Variants in MYO16 observed in about 807,000 individuals in gnomAD.
MYO16 encodes myosin XVI, also known as unconventional myosin-XVI.
A neutral mutation model predicts 205.3 loss-of-function variants in MYO16; 94 were observed. The observed-to-expected ratio is 0.46, with a 90% CI of 0.39 to 0.54. MYO16 has a LOEUF of 0.54. Among genes scored for constraint, MYO16 ranks in the 20% least tolerant of loss-of-function variants. The pLI, the probability that MYO16 is intolerant of heterozygous loss-of-function variation, is 0.00. For synonymous variants in MYO16, 988 were observed against 954.0 expected (o/e 1.04, Z -0.66); for missense variants, 2,315 against 2,387.5 (o/e 0.97, Z 0.63).
intron 32 of MYO16, among the ~76,000 whole-genome samples, chr13:109,148,942 A>G (rs139830485): frequency 2.6e-5 from 4 of 152,220 alleles, no homozygotes; most frequent in Non-Finnish European, 5.9e-5. Context: ...GAGACATGAA[A>G]CTTCAGGGTG....
At chr13:108,810,925 C>T (rs554989847) in intron 7 of MYO16, among the ~76,000 whole-genome samples, 1 of 152,200 alleles carries the variant, frequency 6.6e-6, no homozygotes, top group South Asian at 2.1e-4. Flanking sequence ...TTAACTTTTG[C>T]AATGGAAAAC....
At position 108,820,350 on chromosome 13, in the gene MYO16, A is replaced by G; in HGVS notation, c.881A>G (p.Lys294Arg). 6.2e-7 allele frequency: 1 copy of G among 1,601,682 alleles called. No individual in the cohort carries two copies. Among genetic ancestry groups the G allele is most frequent in the Non-Finnish European group, 8.5e-7 (1 of 1,173,726 alleles). Residue 294 changes from lysine (K) to arginine (R), a missense_variant, in exon 8 of 35, where the codon AAA becomes AGA. By Grantham distance (26) the Lys-to-Arg change is conservative (BLOSUM62 2). This residue lies in a region of MYO16 where 1,213 missense variants were observed against 1,274.4 expected (regional missense o/e 0.95). Coordinates refer to ENST00000457511, the MANE Select transcript of MYO16 (RefSeq NM_001198950.3). ...TTAATATTTCAGACAAATCTGGTGAAACTTCTCCTGATGCATCAGGCAAAC... is the reference window on the plus strand; with the variant it reads ...TTAATATTTCAGACAAATCTGGTGAGACTTCTCCTGATGCATCAGGCAAAC... ...AAKYGQTNLV[K>R]LLLMHQANPH...
chr13:108,994,222 A>C (rs1441841928), intron 21 of MYO16, among the ~76,000 whole-genome samples: 1 of 152,120 alleles, frequency 6.6e-6, no homozygotes. Context: ...CTAAAGAGCC[A>C]GTCTCTATTA....
At chr13:109,045,349 G>GT (rs1887006009) in intron 23 of MYO16, among the ~76,000 whole-genome samples, 1 of 152,214 alleles carries the variant, frequency 6.6e-6, no homozygotes, top group South Asian at 2.1e-4. Flanking sequence ...AAACGACCAA[G>GT]TGTCCCCTGG....
chr13:108,799,331 A>G (rs1886899591), intron 6 of MYO16, among the ~76,000 whole-genome samples: 1 of 152,244 alleles, frequency 6.6e-6, no homozygotes, highest in South Asian at 2.1e-4. Flanking sequence ...TTAAAATGCA[A>G]TAAAAATGGT....
chr13:108,753,489 A>G lies in MYO16; in HGVS notation c.507+25906A>G, dbSNP rs1340180169. ...CTTTATGAGTTATTTCTTTTTGGGA[A>G]TGGCTTTATTGACTCATTCCGTAAC... is the stretch of plus-strand genomic sequence containing the variant. On this transcript the variant is annotated intron_variant, in intron 4 of 34. Coordinates refer to ENST00000457511, the MANE Select transcript of MYO16 (RefSeq NM_001198950.3). Among the ~76,000 whole-genome samples the G allele has an allele frequency of 3.9e-5, 6 of 152,012 alleles. No homozygotes were observed. The South Asian group carries it at 1.0e-3, about 26-fold the overall frequency.
intron 2 of MYO16, among the ~76,000 whole-genome samples, chr13:108,683,663 T>C (rs1052730817): frequency 1.3e-5 from 2 of 152,202 alleles, no homozygotes; most frequent in African/African-American, 4.8e-5. Flanking sequence ...AAAATTATTC[T>C]ATAAAGAAAA....
chr13:108,970,876 G>T (rs1883983463), intron 20 of MYO16, among the ~76,000 whole-genome samples: 2 of 152,134 alleles, frequency 1.3e-5, no homozygotes. Flanking sequence ...GAATTCTTGG[G>T]GTTGAAGGTA....
intron 16 of MYO16, among the ~76,000 whole-genome samples, chr13:108,943,586 G>A (rs921851752): frequency 6.6e-6 from 1 of 152,054 alleles, no homozygotes; most frequent in Admixed American, 6.6e-5. Context: ...CAAGTCGCTG[G>A]GATTACAGGC....
the MYO16 span, among the ~76,000 whole-genome samples, chr13:108,546,458 G>A: frequency 6.6e-6 from 1 of 152,092 alleles, no homozygotes; most frequent in Non-Finnish European, 1.5e-5. Flanking sequence ...CTGGAGAAGA[G>A]ATTTATCTTT....
the MYO16 span, among the ~76,000 whole-genome samples, chr13:108,585,202 T>A: frequency 5.9e-5 from 9 of 152,184 alleles, no homozygotes; most frequent in Non-Finnish European, 2.9e-5. Context: ...CCTGAGAACA[T>A]GCACCCAAGG....
intron 2 of MYO16, among the ~76,000 whole-genome samples, chr13:108,696,930 C>T (rs1883113178): frequency 6.6e-6 from 1 of 150,518 alleles, no homozygotes; most frequent in Non-Finnish European, 1.5e-5. Context: ...GATTTCTGGC[C>T]ATGTAATACT....
chr13:108,638,944 CAGGG>C (rs1880380057), intron 1 of MYO16, among the ~76,000 whole-genome samples: 1 of 151,962 alleles, frequency 6.6e-6, no homozygotes, highest in African/African-American at 2.4e-5. Flanking sequence ...ATGAGGAGCC[CAGGG>C]AGGGAAGAAG....
chr13:108,573,668 T>G, the MYO16 span, among the ~76,000 whole-genome samples: 1 of 152,170 alleles, frequency 6.6e-6, no homozygotes, highest in Non-Finnish European at 1.5e-5. Flanking sequence ...CTGAGCAGTT[T>G]GATCTCCTCA....
intron 22 of MYO16, among the ~76,000 whole-genome samples, chr13:109,018,330 A>G (rs903435899): frequency 1.3e-5 from 2 of 150,592 alleles, no homozygotes; most frequent in Non-Finnish European, 3.0e-5. Context: ...AGAACAGCAA[A>G]TATTGCTGCC....
intron 16 of MYO16, among the ~76,000 whole-genome samples, chr13:108,921,405 T>TA (rs1881739988): frequency 6.6e-6 from 1 of 152,306 alleles, no homozygotes; most frequent in East Asian, 1.9e-4. Context: ...TGACCATTCT[T>TA]ACACATGATA....
the MYO16 span, among the ~76,000 whole-genome samples, chr13:108,520,859 C>T: frequency 4.9e-3 from 742 of 152,284 alleles, 7 homozygotes; most frequent in African/African-American, 0.016. Context: ...TGATGCTTCT[C>T]TTCTGAGTCA....
At chr13:108,563,032 C>A in the MYO16 span, among the ~76,000 whole-genome samples, 1 of 152,074 alleles carries the variant, frequency 6.6e-6, no homozygotes, top group East Asian at 1.9e-4. Flanking sequence ...GTATTTAGAC[C>A]AATCTGACAT....
chr13:109,023,368 A>T (rs1407704147), intron 23 of MYO16, among the ~76,000 whole-genome samples: 1 of 66,232 alleles, frequency 1.5e-5, no homozygotes, highest in Non-Finnish European at 2.5e-5. Flanking sequence ...ATATAAATAT[A>T]TATTTATATA....
Sources: allele counts gnomAD v4.1 joint callset (sites outside exome capture counted in the v4.1 genomes callset), GRCh38; gene constraint gnomAD v4.1.1; regional missense constraint gnomAD v4.1.1; transcripts MANE v1.5; gene names NCBI Gene and HGNC (gene_info 2026-07-23, HGNC 2026-07-21).